Variants in PTBP3 observed in about 807,000 individuals in gnomAD.
PTBP3 encodes polypyrimidine tract-binding protein 3.
PTBP3 carries 20 observed loss-of-function variants against 58.7 expected under a neutral mutation model. That is an observed-to-expected ratio of 0.34 (90% CI 0.24 to 0.50). The LOEUF is 0.50. Ranked by LOEUF, PTBP3 falls within the 20% of genes least tolerant of loss-of-function variation. The pLI is 0.98. For synonymous variants in PTBP3, 185 were observed against 219.8 expected (o/e 0.84, Z 1.40); for missense variants, 509 against 637.2 (o/e 0.80, Z 2.17).
intron 1 of PTBP3, among the ~76,000 whole-genome samples, chr9:112,302,422 AT>A (rs1313097714): frequency 5.5e-4 from 84 of 152,068 alleles, no homozygotes; most frequent in African/African-American, 2.0e-3. Flanking sequence ...CTCTTTTCAT[AT>A]TTTTGACATA....
chr9:112,290,898 CAT>C lies in PTBP3; in HGVS notation c.34+6932_34+6933del, dbSNP rs201106759. The stretch of plus-strand genomic sequence containing the variant: ...AGACACATACCAAGTAAAATGCACA[CAT>C]GTGTCCACAAAAAGATTTGTCAAGA... On this transcript the variant is annotated intron_variant, in intron 2 of 13. Coordinates refer to ENST00000374257, the MANE Select transcript of PTBP3 (RefSeq NM_001163788.4). 5.8e-3 allele frequency among the ~76,000 whole-genome samples: 885 copies of C among 152,004 alleles called. 7 individuals carry two copies. Among genetic ancestry groups the C allele is most frequent in the African/African-American group, 0.017 (714 of 41,452 alleles).
At chr9:112,360,882 G>C in the PTBP3 span, among the ~76,000 whole-genome samples, 5 of 152,020 alleles carry the variant, frequency 3.3e-5, no homozygotes, top group Non-Finnish European at 2.9e-5. Flanking sequence ...TTGTGGTCAA[G>C]AAATTGGAAG....
intron 7 of PTBP3, among the ~76,000 whole-genome samples, chr9:112,245,040 AG>A (rs1490445902): frequency 6.6e-6 from 1 of 152,134 alleles, no homozygotes; most frequent in Non-Finnish European, 1.5e-5. Context: ...CGGGCACAGT[AG>A]CTCATACCTG....
At chr9:112,305,901 C>G (rs993524986) in intron 1 of PTBP3, among the ~76,000 whole-genome samples, 1 of 152,096 alleles carries the variant, frequency 6.6e-6, no homozygotes, top group African/African-American at 2.4e-5. Flanking sequence ...GACCGCGCCA[C>G]TGCACTCCAG....
the PTBP3 span, among the ~76,000 whole-genome samples, chr9:112,375,013 T>C: frequency 6.6e-6 from 1 of 152,210 alleles, no homozygotes; most frequent in Admixed American, 6.5e-5. Flanking sequence ...TGGAAGTCCC[T>C]GTTGCCCATG....
chr9:112,320,938 T>TC (rs1233206244), intron 1 of PTBP3, among the ~76,000 whole-genome samples: 1 of 152,186 alleles, frequency 6.6e-6, no homozygotes, highest in Non-Finnish European at 1.5e-5. Context: ...GAGAAAATCT[T>TC]CCTTCTCATC....
At chr9:112,275,820 T>C (rs4979093) in intron 3 of PTBP3, 24 bp downstream of exon 3, 722,482 of 1,559,978 alleles carry the variant, frequency 0.46, 169,761 homozygotes, top group African/African-American at 0.6. Flanking sequence ...AATCACTCTT[T>C]GTCAATCTTT....
intron 1 of PTBP3, among the ~76,000 whole-genome samples, chr9:112,310,002 C>T (rs989766076): frequency 2.0e-5 from 3 of 152,184 alleles, no homozygotes; most frequent in Admixed American, 6.5e-5. Context: ...ACTCTACTGA[C>T]TGACCCATTT....
At chr9:112,361,062 T>C in the PTBP3 span, among the ~76,000 whole-genome samples, 3 of 152,178 alleles carry the variant, frequency 2.0e-5, no homozygotes, top group African/African-American at 7.2e-5. Flanking sequence ...CTTTTTAACA[T>C]TGGAGAATTA....
chr9:112,233,601 C>T lies in PTBP3; in HGVS notation c.880+1219G>A, dbSNP rs116970473. On this transcript the variant is annotated intron_variant, in intron 8 of 13. Transcript: ENST00000374257. ...AAATTTAAAACCTCAACCTTCATATCACTCTTTCTGTTAACTCCATCCTCT... is the reference window on the plus strand; with the variant it reads ...AAATTTAAAACCTCAACCTTCATATTACTCTTTCTGTTAACTCCATCCTCT... Among the ~76,000 whole-genome samples, 19 of 152,028 alleles carry T rather than the reference C, an allele frequency of 1.2e-4. 1 individual carries two copies. The East Asian group carries it at 3.1e-3, about 25-fold the overall frequency.
intron 12 of PTBP3, among the ~76,000 whole-genome samples, chr9:112,226,687 G>A (rs1785343020): frequency 6.6e-6 from 1 of 152,214 alleles, no homozygotes; most frequent in Non-Finnish European, 1.5e-5. Flanking sequence ...CTTTGCTGTT[G>A]TAACTCAAGA....
intron 8 of PTBP3, among the ~76,000 whole-genome samples, chr9:112,234,333 G>A (rs1325608753): frequency 2.6e-5 from 4 of 152,102 alleles, no homozygotes; most frequent in Middle Eastern, 3.4e-3. Flanking sequence ...CCCCTCTATC[G>A]TAATCTTCAA....
intron 1 of PTBP3, among the ~76,000 whole-genome samples, chr9:112,305,366 T>C (rs569595291): frequency 2.0e-5 from 3 of 152,016 alleles, no homozygotes; most frequent in Non-Finnish European, 4.4e-5. Flanking sequence ...GGTAGGAGCT[T>C]TGGGTCACAC....
intron 1 of PTBP3, among the ~76,000 whole-genome samples, chr9:112,305,459 C>G (rs1168061696): frequency 2.0e-5 from 3 of 152,210 alleles, no homozygotes; most frequent in African/African-American, 7.2e-5. Flanking sequence ...CCAACAAAAA[C>G]TGTAAACGCC....
intron 8 of PTBP3, 125 bp from the exon 9 acceptor site, chr9:112,232,363 A>G (rs1835280035): frequency 9.9e-7 from 1 of 1,007,356 alleles, no homozygotes; most frequent in South Asian, 1.8e-5. Context: ...GCTACCATAA[A>G]GATACTGAAG....
chr9:112,258,127 A>C (rs1436627818), intron 5 of PTBP3, among the ~76,000 whole-genome samples: 1 of 152,166 alleles, frequency 6.6e-6, no homozygotes, highest in African/African-American at 2.4e-5. Context: ...TAAGTTATTT[A>C]TCTTTATTAC....
At chr9:112,326,154 T>C (rs376510745) in intron 1 of PTBP3, among the ~76,000 whole-genome samples, 1 of 152,228 alleles carries the variant, frequency 6.6e-6, no homozygotes, top group Non-Finnish European at 1.5e-5. Context: ...CAGGAAACAC[T>C]AGTGGATACA....
rs1805354073 is a variant in PTBP3, at chr9:112,219,883, A to T, written c.*3968T>A. ...TAAACCACTCACAACTAGCTGTTAA[A>T]ATTTGCTCTGAAAAAAGACTGCTAA... On this transcript the variant is annotated 3_prime_UTR_variant, in exon 14 of 14. Coordinates refer to ENST00000374257, the MANE Select transcript of PTBP3 (RefSeq NM_001163788.4). The T allele has an allele frequency of 5.6e-6, 1 of 179,258 alleles. No homozygotes were observed. The highest frequency in any genetic ancestry group is 1.6e-4 in the South Asian group (1 of 6,146). 11.1% of individuals were successfully genotyped at this position (179,258 alleles called of 1,614,324 possible).
upstream of PTBP3, among the ~76,000 whole-genome samples, chr9:112,334,623 C>T (rs1830529668): frequency 1.3e-5 from 2 of 152,208 alleles, no homozygotes; most frequent in South Asian, 2.1e-4. Flanking sequence ...GAGCGGGGCT[C>T]CTCCCCGTGG....
Sources: allele counts gnomAD v4.1 joint callset (sites outside exome capture counted in the v4.1 genomes callset), GRCh38; gene constraint gnomAD v4.1.1; transcripts MANE v1.5; gene names NCBI Gene and HGNC (gene_info 2026-07-23, HGNC 2026-07-21).